LONRF1: variants seen among roughly 807,000 people sequenced by gnomAD.
LONRF1 encodes LON peptidase N-terminal domain and RING finger protein 1.
A neutral mutation model predicts 85.8 loss-of-function variants in LONRF1; 37 were observed. The observed-to-expected ratio is 0.43, with a 90% CI of 0.33 to 0.57. The LOEUF (loss-of-function observed/expected upper bound fraction) is 0.57. Among genes scored for constraint, LONRF1 ranks in the 20% least tolerant of loss-of-function variants. The pLI is 0.04. For synonymous variants in LONRF1, 517 were observed against 390.1 expected (o/e 1.33, Z -3.83); for missense variants, 1,036 against 978.0 (o/e 1.06, Z -0.79).
In LONRF1 at chr8:12,723,170, T is replaced by A; in HGVS notation, c.2248A>T (p.Met750Leu). The change falls in exon 12 of 12, where the codon ATG (methionine) becomes TTG (leucine). Residue 750 changes from methionine (M) to leucine (L), a missense_variant. Physicochemically the swap from Met to Leu is conservative, Grantham distance 15 (BLOSUM62 2). This residue lies in a region of LONRF1 where 265 missense variants were observed against 301.5 expected (regional missense o/e 0.88). Coordinates refer to ENST00000398246, the MANE Select transcript of LONRF1 (RefSeq NM_152271.5). ...DPRYQLSVLS[M>L]KSLKERLTKI... is the part of the protein sequence containing the mutation. The stretch of plus-strand genomic sequence containing the variant: ...GTCAACCGTTCTTTCAAAGACTTCA[T>A]TGACAAAACCGACAGCTGGTATCGT... 1.2e-6 allele frequency: 2 copies of A among 1,614,124 alleles called. No homozygotes were observed. Among genetic ancestry groups the A allele is most frequent in the Non-Finnish European group, 1.7e-6 (2 of 1,180,010 alleles).
At chr8:12,752,765 G>C (rs1018556777) in intron 1 of LONRF1, among the ~76,000 whole-genome samples, 16 of 152,142 alleles carry the variant, frequency 1.1e-4, no homozygotes, top group African/African-American at 3.6e-4. Context: ...TTCTTCCATG[G>C]ACCAGGACCT....
At chr8:12,738,193 A>C (rs1798795502) in intron 3 of LONRF1, 49 bp from the exon 4 acceptor site, 1 of 1,272,856 alleles carries the variant, frequency 7.9e-7, no homozygotes, top group South Asian at 1.6e-5. Context: ...TATTTGGTTA[A>C]GGATAATTTT....
intron 8 of LONRF1, among the ~76,000 whole-genome samples, chr8:12,729,917 TTCTG>T (rs1798464094): frequency 6.6e-6 from 1 of 152,204 alleles, no homozygotes; most frequent in African/African-American, 2.4e-5. Flanking sequence ...CAATGCCCAG[TTCTG>T]TCTGAGGTAT....
Position 12,737,010 on chromosome 8 carries a change from G to A in LONRF1, c.1244C>T (p.Pro415Leu), listed in dbSNP as rs774142716. ...ACCTTTTTCTTGAACTGACAGAACAGGTTCTGAGGACACTCTTTTTAAACA... is the reference window on the plus strand; with the variant it reads ...ACCTTTTTCTTGAACTGACAGAACAAGTTCTGAGGACACTCTTTTTAAACA... ...EDCLKRVSSE[P>L]VLSVQEKGVL... Residue 415 changes from proline (P) to leucine (L), a missense_variant, in exon 5 of 12, where the codon CCT becomes CTT. Physicochemically the swap from Pro to Leu is moderately conservative, Grantham distance 98. Transcript: ENST00000398246. 6.2e-6 allele frequency: 10 copies of A among 1,613,624 alleles called. No homozygotes were observed. The highest frequency in any genetic ancestry group is 1.1e-5 in the South Asian group (1 of 91,078).
intron 6 of LONRF1, among the ~76,000 whole-genome samples, chr8:12,736,332 T>C (rs1403680320): frequency 6.6e-6 from 1 of 152,218 alleles, no homozygotes; most frequent in Non-Finnish European, 1.5e-5. Context: ...CATAAAATAC[T>C]AATTAGAATT....
intron 1 of LONRF1, among the ~76,000 whole-genome samples, chr8:12,748,299 T>G (rs937199312): frequency 8.5e-5 from 13 of 152,134 alleles, no homozygotes; most frequent in African/African-American, 3.1e-4. Flanking sequence ...CGACCTCCTA[T>G]GCTCAATAGA....
chr8:12,755,402 C>A lies in LONRF1; in HGVS notation c.19G>T (p.Ala7Ser). Residue 7 changes from alanine to serine, a missense_variant, in exon 1 of 12, where the codon GCG becomes TCG. Physicochemically the swap from Ala to Ser is moderately conservative, Grantham distance 99 (BLOSUM62 1). This residue lies in a region of LONRF1 where 742 missense variants were observed against 614.4 expected (regional missense o/e 1.21). Coordinates refer to ENST00000398246, the MANE Select transcript of LONRF1 (RefSeq NM_152271.5). ...CGACTCCCTCCTGGGGAGGTCCTCGCCACCGCCGGAGAGGACATGGCCCGC... is the reference window on the plus strand; with the variant it reads ...CGACTCCCTCCTGGGGAGGTCCTCGACACCGCCGGAGAGGACATGGCCCGC... MSSPAV[A>S]RTSPGGSREM... is the part of the protein sequence containing the mutation. 8.6e-7 allele frequency: 1 copy of A among 1,165,224 alleles called. No homozygotes were observed. The highest frequency in any genetic ancestry group is 1.1e-6 in the Non-Finnish European group (1 of 945,456). The allele number at this position is 1,165,224 out of a possible 1,614,324, so 72.2% of individuals were successfully genotyped here.
chr8:12,736,896 T>C lies in LONRF1; in HGVS notation c.1354+4A>G. The C allele has an allele frequency of 6.2e-7, 1 of 1,602,530 alleles. No homozygotes were observed. The highest frequency in any genetic ancestry group is 1.7e-5 in the Admixed American group (1 of 58,220). On this transcript the variant is annotated splice_donor_region_variant and intron_variant, in intron 5 of 11. Coordinates refer to ENST00000398246, the MANE Select transcript of LONRF1 (RefSeq NM_152271.5). The stretch of plus-strand genomic sequence containing the variant: ...TTTATATAAGTGTAGAGCAAAATTT[T>C]TACCTCCTTGTTTTTTCAGCTTATT...
In LONRF1 at chr8:12,737,033, A is replaced by G; in HGVS notation, c.1221T>C (p.Cys407=). 6.2e-7 allele frequency: 1 copy of G among 1,613,682 alleles called. No individual in the cohort carries two copies. The highest frequency in any genetic ancestry group is 2.2e-5 in the East Asian group (1 of 44,860). Residue 407 remains cysteine, a synonymous_variant, in exon 5 of 12, where the codon TGT becomes TGC. Coordinates refer to ENST00000398246, the MANE Select transcript of LONRF1 (RefSeq NM_152271.5). ...CAGGTTCTGAGGACACTCTTTTTAA[A>G]CAGTCCTCTCTGGCAGGCATTTCTG... ...NSTEMPARED[C]LKRVSSEPVL... is the part of the protein sequence containing the mutation.
chr8:12,742,942 T>C (rs975547254), intron 2 of LONRF1, among the ~76,000 whole-genome samples: 3 of 152,110 alleles, frequency 2.0e-5, no homozygotes, highest in African/African-American at 7.2e-5. Flanking sequence ...CCCAAGCTGG[T>C]CTCAAACTCC....
Position 12,754,780 on chromosome 8 carries a change from G to A in LONRF1, c.641C>T (p.Ala214Val), listed in dbSNP as rs1045591217. 6.8e-7 allele frequency: 1 copy of A among 1,481,228 alleles called. No homozygotes were observed. The highest frequency in any genetic ancestry group is 1.5e-5 in the African/African-American group (1 of 68,082). 91.8% of individuals were successfully genotyped at this position (1,481,228 alleles called of 1,614,324 possible). The change falls in exon 1 of 12, where the codon GCG becomes GTG. Residue 214 changes from alanine (A) to valine (V), a missense_variant. Ala to Val is a moderately conservative substitution (Grantham distance 64). This residue lies in a region of LONRF1 where 742 missense variants were observed against 614.4 expected (regional missense o/e 1.21). Transcript: ENST00000398246. ...WFPGQRERAR[A>V]AGRLGELLHQ... ...CAGTAGCTCCCCGAGCCTGCCGGCC[G>A]CCCGGGCCCGCTCGCGCTGGCCCGG...
At chr8:12,727,434 A>G (rs1798357559) in intron 10 of LONRF1, 1 of 150,272 alleles carries the variant, frequency 6.7e-6, no homozygotes, top group African/African-American at 2.4e-5. Flanking sequence ...CAAATTTGAG[A>G]AGGTTTTCCA....
At chr8:12,747,565 C>T (rs746179698) in intron 1 of LONRF1, among the ~76,000 whole-genome samples, 12 of 152,176 alleles carry the variant, frequency 7.9e-5, no homozygotes, top group Non-Finnish European at 1.3e-4. Context: ...TGGGCAACAG[C>T]TCATTCTATA....
intron 2 of LONRF1, among the ~76,000 whole-genome samples, chr8:12,741,760 T>C (rs1156981927): frequency 6.6e-6 from 1 of 152,240 alleles, no homozygotes; most frequent in African/African-American, 2.4e-5. Flanking sequence ...TAATTGCCCA[T>C]GAAATTTTTT....
intron 1 of LONRF1, among the ~76,000 whole-genome samples, chr8:12,747,190 T>C (rs1295680424): frequency 6.6e-6 from 1 of 152,192 alleles, no homozygotes; most frequent in African/African-American, 2.4e-5. Context: ...AGGAAAAAGA[T>C]TTAAATAAGA....
chr8:12,734,018 T>A (rs935640686), intron 7 of LONRF1, among the ~76,000 whole-genome samples: 5 of 152,144 alleles, frequency 3.3e-5, no homozygotes, highest in Non-Finnish European at 7.4e-5. Flanking sequence ...AAGCAATAGA[T>A]CTAATATTAT....
chr8:12,726,072 A>C, intron 10 of LONRF1, 193 bp from the exon 11 acceptor site: 1 of 495,376 alleles, frequency 2.0e-6, no homozygotes, highest in African/African-American at 1.9e-5. Flanking sequence ...GACTAAAGAA[A>C]GACAACAAGG....
Position 12,754,960 on chromosome 8 carries a change from C to T in LONRF1, c.461G>A (p.Arg154His). 6.7e-7 allele frequency: 1 copy of T among 1,489,284 alleles called. No individual in the cohort carries two copies. The highest frequency in any genetic ancestry group is 8.9e-7 in the Non-Finnish European group (1 of 1,124,978). The allele number at this position is 1,489,284 out of a possible 1,614,324, so 92.3% of individuals were successfully genotyped here. A position where few individuals can be genotyped will look rare whatever the true frequency, so the allele number is the denominator to read the frequency against. ...RRCLRRELRA[R>H]CRLCRDRLPP... ...CAGCCGGTCCCGGCAGAGGCGGCAG[C>T]GGGCGCGGAGTTCCCTCCGCAGGCA... Residue 154 changes from arginine (R) to histidine (H), a missense_variant, in exon 1 of 12, where the codon CGC (arginine) becomes CAC (histidine). By Grantham distance (29) the Arg-to-His change is conservative. Around this residue, in one of 3 missense-constraint regions of LONRF1, gnomAD observed 742 missense variants for 614.4 expected, o/e 1.21. Transcript: ENST00000398246.
chr8:12,735,298 T>G lies in LONRF1; in HGVS notation c.1554A>C (p.Glu518Asp), dbSNP rs1459763369. ...TACAAATATTTACCTCTTTTAAGCT[T>G]TCTTTGCAAAGAGGACAATATGGTG... ...DHAPYCPLCK[E>D]SLKEYLADRR... Residue 518 changes from glutamate (E) to aspartate (D), a missense_variant, in exon 7 of 12, where the codon GAA becomes GAC. Glu to Asp is a conservative substitution (Grantham distance 45). Coordinates refer to ENST00000398246, the MANE Select transcript of LONRF1 (RefSeq NM_152271.5). 1 of 1,599,886 alleles carries G rather than the reference T, an allele frequency of 6.3e-7. No individual in the cohort carries two copies. The highest frequency in any genetic ancestry group is 8.5e-7 in the Non-Finnish European group (1 of 1,170,856).
Sources: allele counts gnomAD v4.1 joint callset (sites outside exome capture counted in the v4.1 genomes callset), GRCh38; gene constraint gnomAD v4.1.1; regional missense constraint gnomAD v4.1.1; transcripts MANE v1.5; gene names NCBI Gene and HGNC (gene_info 2026-07-23, HGNC 2026-07-21).